TMEM117: variants seen among roughly 807,000 people sequenced by gnomAD.
TMEM117 encodes the protein transmembrane protein 117.
A neutral mutation model predicts 52.4 loss-of-function variants in TMEM117; 27 were observed. The observed-to-expected ratio is 0.51, with a 90% CI of 0.38 to 0.71. The LOEUF is 0.71. TMEM117 is among the 30% of genes least tolerant of loss of function. The pLI is 0.00. For missense variants in TMEM117, 556 were observed against 630.5 expected (o/e 0.88, Z 1.26); for synonymous variants, 215 against 206.3 (o/e 1.04, Z -0.36).
chr12:44,051,067 G>A (rs1946963516), intron 3 of TMEM117, among the ~76,000 whole-genome samples: 1 of 152,172 alleles, frequency 6.6e-6, no homozygotes, highest in African/African-American at 2.4e-5. Flanking sequence ...GTGTTACATA[G>A]TATGGAGTCA....
At chr12:44,374,336 TAGAA>T (rs3069719) in intron 6 of TMEM117, among the ~76,000 whole-genome samples, 5,100 of 152,072 alleles carry the variant, frequency 0.034, 100 homozygotes, top group Middle Eastern at 0.13. Context: ...AAAAGTAAAA[TAGAA>T]AGGATGGATA....
intron 3 of TMEM117, among the ~76,000 whole-genome samples, chr12:44,029,366 T>C (rs1946595739): frequency 6.6e-6 from 1 of 152,226 alleles, no homozygotes; most frequent in Admixed American, 6.5e-5. Context: ...CTTATGACTA[T>C]GGTAAGCCTA....
chr12:44,243,171 C>A lies in TMEM117; in HGVS notation c.608+31784C>A, dbSNP rs141250231. 5.0e-3 allele frequency among the ~76,000 whole-genome samples: 762 copies of A among 151,894 alleles called. 3 individuals are homozygous for A. The highest frequency in any genetic ancestry group is 8.2e-3 in the Non-Finnish European group (559 of 67,796). On this transcript the variant is annotated intron_variant, in intron 5 of 7. Transcript: ENST00000266534. ...TAGATATTATACCTTTGTCAAATGCCTAGTTCACAGATATTTCCTCCTGTT... is the reference window on the plus strand; with the variant it reads ...TAGATATTATACCTTTGTCAAATGCATAGTTCACAGATATTTCCTCCTGTT...
intron 6 of TMEM117, among the ~76,000 whole-genome samples, chr12:44,316,491 T>C (rs1951056350): frequency 6.6e-6 from 1 of 152,154 alleles, no homozygotes; most frequent in Non-Finnish European, 1.5e-5. Context: ...GGTCTGAACT[T>C]TTTCTCTAGC....
intron 6 of TMEM117, among the ~76,000 whole-genome samples, chr12:44,341,743 A>G (rs1951420467): frequency 6.6e-6 from 1 of 152,134 alleles, no homozygotes; most frequent in Non-Finnish European, 1.5e-5. Context: ...ATTGGGTTAT[A>G]TAGCTGGGAA....
chr12:43,990,255 A>G (rs1418202477), intron 3 of TMEM117, among the ~76,000 whole-genome samples: 1 of 152,190 alleles, frequency 6.6e-6, no homozygotes, highest in Non-Finnish European at 1.5e-5. Flanking sequence ...AAAAATGTAG[A>G]TGAGCACAGG....
intron 4 of TMEM117, among the ~76,000 whole-genome samples, chr12:44,177,382 C>T (rs1343314188): frequency 6.6e-6 from 1 of 152,176 alleles, no homozygotes; most frequent in East Asian, 1.9e-4. Flanking sequence ...GCAATCCTGT[C>T]ACCCAAGTCT....
At chr12:44,337,120 T>C (rs924878387) in intron 6 of TMEM117, among the ~76,000 whole-genome samples, 1 of 152,016 alleles carries the variant, frequency 6.6e-6, no homozygotes, top group African/African-American at 2.4e-5. Flanking sequence ...TACCTGAGGC[T>C]AGGCAATTAA....
the TMEM117 span, chr12:43,798,451 G>T: frequency 2.0e-6 from 2 of 977,340 alleles, no homozygotes; most frequent in Non-Finnish European, 2.9e-6. Flanking sequence ...CTCATTCGCA[G>T]TGTTGCAACA....
intron 4 of TMEM117, among the ~76,000 whole-genome samples, chr12:44,190,781 T>C (rs1949340929): frequency 6.6e-6 from 1 of 151,810 alleles, no homozygotes; most frequent in South Asian, 2.1e-4. Context: ...TGAAGAGATA[T>C]GTGTTTTGTT....
At chr12:44,151,541 A>G (rs1209036729) in intron 4 of TMEM117, among the ~76,000 whole-genome samples, 7 of 117,660 alleles carry the variant, frequency 5.9e-5, no homozygotes, top group Non-Finnish European at 8.2e-5. Flanking sequence ...CCCAGGTGTG[A>G]TGTTCCCCTT....
chr12:44,129,212 C>T (rs1054577154), intron 3 of TMEM117, among the ~76,000 whole-genome samples: 3 of 152,178 alleles, frequency 2.0e-5, no homozygotes, highest in African/African-American at 7.2e-5. Context: ...ATTAGTCATA[C>T]TGGGGGCTGA....
chr12:44,055,949 T>G (rs1171922178), intron 3 of TMEM117, among the ~76,000 whole-genome samples: 1 of 152,176 alleles, frequency 6.6e-6, no homozygotes, highest in Admixed American at 6.6e-5. Context: ...TTTTATTCTT[T>G]TAAACACTCA....
intron 3 of TMEM117, among the ~76,000 whole-genome samples, chr12:44,049,021 A>G (rs921824929): frequency 2.0e-5 from 3 of 152,170 alleles, no homozygotes; most frequent in Non-Finnish European, 4.4e-5. Flanking sequence ...CTAGTTTAAA[A>G]GGTGGTCAAG....
intron 4 of TMEM117, among the ~76,000 whole-genome samples, chr12:44,171,013 C>CTTT (rs757855409): frequency 1.1e-4 from 14 of 132,138 alleles, no homozygotes; most frequent in South Asian, 2.4e-4. Context: ...TAACAAATAT[C>CTTT]TTTTTTTTTT....
At chr12:43,921,367 AG>A (rs369834655) in intron 2 of TMEM117, among the ~76,000 whole-genome samples, 1 of 151,908 alleles carries the variant, frequency 6.6e-6, no homozygotes, top group African/African-American at 2.4e-5. Flanking sequence ...ACATTTTTTT[AG>A]TTAGTATCTG....
At chr12:44,018,053 T>C (rs1348926485) in intron 3 of TMEM117, among the ~76,000 whole-genome samples, 2 of 152,204 alleles carry the variant, frequency 1.3e-5, no homozygotes, top group African/African-American at 4.8e-5. Flanking sequence ...CAATTTGGTA[T>C]GTGCTGGCTG....
the TMEM117 span, chr12:43,804,689 A>C: frequency 1.7e-6 from 1 of 591,598 alleles, no homozygotes; most frequent in Non-Finnish European, 3.0e-6. Context: ...TAGCATCCTT[A>C]TTATCAGTAT....
intron 3 of TMEM117, among the ~76,000 whole-genome samples, chr12:44,088,787 A>G (rs1947614944): frequency 6.6e-6 from 1 of 152,214 alleles, no homozygotes; most frequent in Admixed American, 6.5e-5. Context: ...ACTGAGCTAT[A>G]CCACTCAGGG....
Sources: allele counts gnomAD v4.1 joint callset (sites outside exome capture counted in the v4.1 genomes callset), GRCh38; gene constraint gnomAD v4.1.1; transcripts MANE v1.5; gene names NCBI Gene and HGNC (gene_info 2026-07-23, HGNC 2026-07-21).